The following SEMA6D variants were observed in gnomAD, a reference collection of about 807,000 sequenced individuals.
The protein encoded by SEMA6D is semaphorin-6D.
A neutral mutation model predicts 106.6 loss-of-function variants in SEMA6D; 35 were observed. The observed-to-expected ratio is 0.33, with a 90% confidence interval of 0.25 to 0.44. The LOEUF (loss-of-function observed/expected upper bound fraction) is 0.44. SEMA6D is among the 20% of genes least tolerant of loss of function. The probability of loss-of-function intolerance (pLI) is 1.00; values close to 1 mark genes in which losing one functional copy is unlikely to be tolerated. For synonymous variants in SEMA6D, 499 were observed against 487.7 expected (o/e 1.02, Z -0.31); for missense variants, 1,185 against 1,345.9 (o/e 0.88, Z 1.87).
chr15:47,364,555 T>A (rs2038939984), intron 1 of SEMA6D, among the ~76,000 whole-genome samples: 1 of 152,190 alleles, frequency 6.6e-6, no homozygotes, highest in Non-Finnish European at 1.5e-5. Flanking sequence ...TTTCGTACAG[T>A]AGCTGTGATT....
intron 2 of SEMA6D, among the ~76,000 whole-genome samples, chr15:47,418,741 A>G (rs147694612): frequency 1.8e-4 from 27 of 152,140 alleles, no homozygotes; most frequent in Non-Finnish European, 3.2e-4. Flanking sequence ...GACTGCTTCA[A>G]TTACTTCAGC....
At chr15:47,440,038 G>C (rs1296639894) in intron 2 of SEMA6D, among the ~76,000 whole-genome samples, 1 of 152,094 alleles carries the variant, frequency 6.6e-6, no homozygotes, top group African/African-American at 2.4e-5. Flanking sequence ...AAAGCAAGTG[G>C]CTCGCATGCC....
intron 4 of SEMA6D, among the ~76,000 whole-genome samples, chr15:47,627,806 G>C (rs1178764913): frequency 6.6e-6 from 1 of 151,748 alleles, no homozygotes; most frequent in Non-Finnish European, 1.5e-5. Flanking sequence ...ATCACTGCAG[G>C]GACTCCTCCT....
At chr15:47,581,919 A>C (rs2076261077) in intron 3 of SEMA6D, among the ~76,000 whole-genome samples, 1 of 152,138 alleles carries the variant, frequency 6.6e-6, no homozygotes, top group Non-Finnish European at 1.5e-5. Flanking sequence ...AGATATACAC[A>C]TGCAGCCATT....
chr15:47,699,015 C>A (rs2078756401), intron 4 of SEMA6D, among the ~76,000 whole-genome samples: 1 of 152,062 alleles, frequency 6.6e-6, no homozygotes, highest in African/African-American at 2.4e-5. Flanking sequence ...AGAGAAGTGA[C>A]TGATTTTAAA....
intron 1 of SEMA6D, among the ~76,000 whole-genome samples, chr15:47,753,955 G>A (rs1170154954): frequency 6.6e-6 from 1 of 152,210 alleles, no homozygotes; most frequent in East Asian, 1.9e-4. Context: ...GGGTTCTTTG[G>A]GCTAGCGATA....
chr15:47,710,611 G>A (rs892020826), intron 4 of SEMA6D, among the ~76,000 whole-genome samples: 5 of 152,128 alleles, frequency 3.3e-5, no homozygotes, highest in African/African-American at 1.2e-4. Context: ...CACACACAGT[G>A]TGTGCAATGA....
intron 4 of SEMA6D, among the ~76,000 whole-genome samples, chr15:47,605,554 G>A (rs1285233207): frequency 1.6e-4 from 4 of 25,572 alleles, no homozygotes; most frequent in Admixed American, 1.0e-3. Context: ...GATGCCAACT[G>A]CAGATGGGGT....
intron 2 of SEMA6D, among the ~76,000 whole-genome samples, chr15:47,420,033 A>G (rs2041101858): frequency 6.6e-6 from 1 of 152,096 alleles, no homozygotes; most frequent in Non-Finnish European, 1.5e-5. Flanking sequence ...CTTTCCAAGA[A>G]CATGAAGAGC....
At chr15:47,268,674 T>G (rs539553438) in intron 1 of SEMA6D, among the ~76,000 whole-genome samples, 2 of 152,324 alleles carry the variant, frequency 1.3e-5, no homozygotes, top group African/African-American at 4.8e-5. Context: ...ATTGTTCCTT[T>G]CCTTATCCCA....
chr15:47,493,651 C>G (rs1021649430), intron 3 of SEMA6D, among the ~76,000 whole-genome samples: 1 of 152,144 alleles, frequency 6.6e-6, no homozygotes, highest in Admixed American at 6.6e-5. Context: ...GTCAAGAACT[C>G]TGTTACCTGT....
chr15:47,348,725 C>CAGAGAGAGAGAGAGAGAG lies in SEMA6D; in HGVS notation c.-238-63667_-238-63666insGAGAGAGAGAGAGAGAGA, dbSNP rs1398441234. Among the ~76,000 whole-genome samples, 30 of 47,744 alleles carry CAGAGAGAGAGAGAGAGAG rather than the reference C, an allele frequency of 6.3e-4. 1 individual carries two copies. The highest frequency in any genetic ancestry group is 1.3e-3 in the African/African-American group (28 of 21,436). The allele number at this position is 47,744 out of a possible 152,430, so 31.3% of individuals were successfully genotyped here. On this transcript the variant is annotated intron_variant, in intron 1 of 19. Coordinates refer to the SEMA6D transcript ENST00000558014. ...CACACACACACACACACACCACACACACAGAGAGAGAGAGAGAGAGAGAGA... is the reference window on the plus strand; with the variant it reads ...CACACACACACACACACACCACACACAGAGAGAGAGAGAGAGAGACAGAGAGAGAGAGAGAGAGAGAGA...
At chr15:47,662,619 A>G (rs2077945780) in intron 4 of SEMA6D, among the ~76,000 whole-genome samples, 1 of 152,126 alleles carries the variant, frequency 6.6e-6, no homozygotes, top group South Asian at 2.1e-4. Flanking sequence ...TTCTCCACGT[A>G]TACATATTTA....
intron 4 of SEMA6D, among the ~76,000 whole-genome samples, chr15:47,631,219 G>T (rs995149174): frequency 1.3e-5 from 2 of 151,618 alleles, no homozygotes; most frequent in Non-Finnish European, 3.0e-5. Context: ...ATAACTCTGG[G>T]GCCTGAAAAT....
intron 1 of SEMA6D, among the ~76,000 whole-genome samples, chr15:47,394,393 C>T (rs11070582): frequency 0.22 from 33,140 of 151,992 alleles, 4,408 homozygotes; most frequent in East Asian, 0.41. Context: ...ACATTTAATA[C>T]TTAGTACAAC....
chr15:47,748,496 A>G (rs561622970), intron 1 of SEMA6D, among the ~76,000 whole-genome samples: 2 of 152,370 alleles, frequency 1.3e-5, no homozygotes, highest in South Asian at 2.1e-4. Context: ...AAGTTCTGCA[A>G]TGGAAGTATT....
intron 1 of SEMA6D, among the ~76,000 whole-genome samples, chr15:47,390,536 T>C (rs1398887805): frequency 6.6e-6 from 1 of 151,516 alleles, no homozygotes; most frequent in Non-Finnish European, 1.5e-5. Flanking sequence ...TCCACCCCCA[T>C]TTGAATTGCT....
At chr15:47,435,806 G>A (rs2041683058) in intron 2 of SEMA6D, among the ~76,000 whole-genome samples, 2 of 152,006 alleles carry the variant, frequency 1.3e-5, no homozygotes, top group African/African-American at 4.8e-5. Context: ...ATATTATTGT[G>A]TTTCAGTTTC....
chr15:47,504,371 C>A (rs2043963605), intron 3 of SEMA6D, among the ~76,000 whole-genome samples: 1 of 152,132 alleles, frequency 6.6e-6, no homozygotes, highest in South Asian at 2.1e-4. Flanking sequence ...ACAGCCTAGG[C>A]AGCCCTCTCT....
Sources: allele counts gnomAD v4.1 joint callset (sites outside exome capture counted in the v4.1 genomes callset), GRCh38; gene constraint gnomAD v4.1.1; transcripts MANE v1.5; gene names NCBI Gene and HGNC (gene_info 2026-07-23, HGNC 2026-07-21).